Variants in ADGRA1 observed in about 807,000 individuals in gnomAD.
The protein encoded by ADGRA1 is adhesion G protein-coupled receptor A1, also known as G-protein coupled receptor 123.
A neutral mutation model predicts 21.3 loss-of-function variants in ADGRA1; 12 were observed. The observed-to-expected ratio is 0.56, with a 90% CI of 0.36 to 0.91. The LOEUF is 0.91. ADGRA1 is among the 40% of genes least tolerant of loss of function. The pLI, the probability that ADGRA1 is intolerant of heterozygous loss-of-function variation, is 0.01. For missense variants in ADGRA1, 790 were observed against 805.6 expected (o/e 0.98, Z 0.23); for synonymous variants, 385 against 368.8 (o/e 1.04, Z -0.50).
chr10:133,106,848 G>A lies in ADGRA1; in HGVS notation c.401+4006G>A, dbSNP rs562405104. Among the ~76,000 whole-genome samples the A allele has an allele frequency of 1.6e-4, 25 of 152,354 alleles. No homozygotes were observed. In the South Asian group the frequency reaches 3.1e-3, roughly 19 times the overall value. On this transcript the variant is annotated intron_variant, in intron 5 of 6. Transcript: ENST00000392607. The stretch of plus-strand genomic sequence containing the variant: ...CCCCGCGGCTCAGAGTGCCCATCGC[G>A]GGCTCCTGGGCAGTGTTTATCTGGG...
intron 5 of ADGRA1, among the ~76,000 whole-genome samples, chr10:133,108,180 C>T (rs1305446977): frequency 6.6e-6 from 1 of 152,252 alleles, no homozygotes; most frequent in Admixed American, 6.5e-5. Flanking sequence ...GGACCTGCTG[C>T]CCTGCTGGTG....
chr10:133,111,128 C>T (rs1039760729), intron 5 of ADGRA1, among the ~76,000 whole-genome samples: 15 of 151,244 alleles, frequency 9.9e-5, no homozygotes, highest in Admixed American at 1.3e-4. Flanking sequence ...GCCACCTGCC[C>T]GCCAGGGGTG....
chr10:133,129,416 C>T lies in ADGRA1; in HGVS notation c.1588C>T (p.Leu530=). ...CTTTGGTGGCCCCAGCCAGAACGGGCTGCCCAAGGGTAAATTGCTAGAAGG... is the reference window on the plus strand; with the variant it reads ...CTTTGGTGGCCCCAGCCAGAACGGGTTGCCCAAGGGTAAATTGCTAGAAGG... ...LPFGGPSQNG[L]PKGKLLEGLP... The change falls in exon 7 of 7, where the codon CTG becomes TTG. Residue 530 remains leucine, a synonymous_variant. Coordinates refer to ENST00000392607, the MANE Select transcript of ADGRA1 (RefSeq NM_001083909.3). 6.2e-7 allele frequency: 1 copy of T among 1,605,832 alleles called. No individual in the cohort carries two copies. The highest frequency in any genetic ancestry group is 8.5e-7 in the Non-Finnish European group (1 of 1,179,778).
At chr10:133,118,280 C>T (rs9419011) in intron 5 of ADGRA1, among the ~76,000 whole-genome samples, 29,876 of 152,112 alleles carry the variant, frequency 0.2, 3,815 homozygotes, top group East Asian at 0.58. Context: ...AGTTAAGGTA[C>T]GTACGTTGTT....
At chr10:133,122,199 G>T (rs533180015) in intron 5 of ADGRA1, among the ~76,000 whole-genome samples, 1 of 152,350 alleles carries the variant, frequency 6.6e-6, no homozygotes, top group African/African-American at 2.4e-5. Context: ...GGCTGCCCTG[G>T]GTGGCACCTG....
At chr10:133,123,921 A>G (rs1378525085) in intron 5 of ADGRA1, among the ~76,000 whole-genome samples, 2 of 152,314 alleles carry the variant, frequency 1.3e-5, no homozygotes, top group East Asian at 3.9e-4. Flanking sequence ...CCCCATGTGC[A>G]AGGTCCCTCT....
At chr10:133,092,296 AC>A (rs1324780320) in intron 2 of ADGRA1, among the ~76,000 whole-genome samples, 4 of 152,188 alleles carry the variant, frequency 2.6e-5, no homozygotes, top group African/African-American at 9.7e-5. Flanking sequence ...CCTTCATCTC[AC>A]AGATGGAGAG....
At position 133,107,277 on chromosome 10, in the gene ADGRA1, C is replaced by A. The variant is rs79491214; in HGVS notation, c.401+4435C>A. Among the ~76,000 whole-genome samples, 425 of 152,284 alleles carry A rather than the reference C, an allele frequency of 2.8e-3. 14 individuals carry two copies. In the East Asian group the frequency reaches 0.076, roughly 27 times the overall value. On this transcript the variant is annotated intron_variant, in intron 5 of 6. Coordinates refer to ENST00000392607, the MANE Select transcript of ADGRA1 (RefSeq NM_001083909.3). ...ATTTCCTGTATATATAATTATCACG[C>A]CATCTGTACATAAGGATAATTCTAC...
chr10:133,095,635 T>A, intron 2 of ADGRA1: 1 of 1,587,698 alleles, frequency 6.3e-7, no homozygotes, highest in Non-Finnish European at 8.5e-7. Context: ...TGTCAGCCAG[T>A]CCCTTGGCTC....
Position 133,128,519 on chromosome 10 carries a change from C to G in ADGRA1, c.691C>G (p.Arg231Gly), listed in dbSNP as rs778932834. The G allele has an allele frequency of 1.8e-5, 28 of 1,546,698 alleles. No individual in the cohort carries two copies. Among genetic ancestry groups the G allele is most frequent in the East Asian group, 2.4e-5 (1 of 40,832 alleles). Residue 231 changes from arginine to glycine, a missense_variant, in exon 7 of 7, where the codon CGG becomes GGG. Physicochemically the swap from Arg to Gly is moderately radical, Grantham distance 125. This residue lies in a region of ADGRA1 where 382 missense variants were observed against 415.6 expected (regional missense o/e 0.92). Transcript: ENST00000392607. ...LATPEGGRGI[R>G]PGTPPAHDAP... ...GACACCCGAGGGCGGCCGTGGGATC[C>G]GGCCAGGCACCCCACCCGCACACGA...
At chr10:133,114,552 G>A (rs543835848) in intron 5 of ADGRA1, among the ~76,000 whole-genome samples, 33 of 152,218 alleles carry the variant, frequency 2.2e-4, no homozygotes, top group African/African-American at 7.2e-4. Flanking sequence ...CGACACCCGC[G>A]GCGTCCTCCT....
chr10:133,091,889 C>A (rs1449980650), intron 2 of ADGRA1, among the ~76,000 whole-genome samples: 1 of 152,178 alleles, frequency 6.6e-6, no homozygotes, highest in Non-Finnish European at 1.5e-5. Flanking sequence ...CAAGGCCAGC[C>A]TCCTGGCGGT....
rs760080069 is a variant in ADGRA1, at chr10:133,098,759, A to C, written c.251A>C (p.Gln84Pro). ...CGCACCAAGTACCCCATCCTGTGCC[A>C]GGCGGTGAGTGCCGGGGCGCCCTCG... ...INRTKYPILCQAVGIVLHYST... is the reference protein window; with the variant it reads ...INRTKYPILCPAVGIVLHYST... Residue 84 changes from glutamine to proline, a missense_variant, in exon 4 of 7, where the codon CAG (glutamine) becomes CCG (proline). Transcript: ENST00000392607. 1 of 1,610,920 alleles carries C rather than the reference A, an allele frequency of 6.2e-7. No homozygotes were observed. The highest frequency in any genetic ancestry group is 8.5e-7 in the Non-Finnish European group (1 of 1,179,814).
chr10:133,122,411 C>T (rs993211282), intron 5 of ADGRA1, among the ~76,000 whole-genome samples: 4 of 152,168 alleles, frequency 2.6e-5, no homozygotes, highest in East Asian at 1.9e-4. Flanking sequence ...GGAGGGATCA[C>T]AGAGCCGGCA....
chr10:133,118,634 C>G (rs1480291958), intron 5 of ADGRA1, among the ~76,000 whole-genome samples: 3 of 152,166 alleles, frequency 2.0e-5, no homozygotes, highest in African/African-American at 7.2e-5. Flanking sequence ...AGAACTCATT[C>G]AGTATCATGA....
intron 5 of ADGRA1, among the ~76,000 whole-genome samples, chr10:133,125,733 T>C (rs1852365422): frequency 1.3e-5 from 2 of 152,128 alleles, no homozygotes; most frequent in African/African-American, 4.8e-5. Context: ...CCTGCCTAGT[T>C]TTTACCTAGT....
At position 133,105,073 on chromosome 10, in the gene ADGRA1, C is replaced by T. The variant is rs192904670; in HGVS notation, c.401+2231C>T. 2.6e-3 allele frequency among the ~76,000 whole-genome samples: 399 copies of T among 152,364 alleles called. 1 individual carries two copies. Among genetic ancestry groups the T allele is most frequent in the African/African-American group, 9.2e-3 (382 of 41,580 alleles). On this transcript the variant is annotated intron_variant, in intron 5 of 6. Coordinates refer to ENST00000392607, the MANE Select transcript of ADGRA1 (RefSeq NM_001083909.3). ...CGGCCCTGCATCCCCAGCCCCATTC[C>T]CAGAACTCTACATGGCCCACACGTT... is the stretch of plus-strand genomic sequence containing the variant.
intron 5 of ADGRA1, among the ~76,000 whole-genome samples, chr10:133,123,756 A>C (rs1852321580): frequency 1.4e-5 from 2 of 138,058 alleles, no homozygotes; most frequent in African/African-American, 2.7e-5. Context: ...GGCCACCGTC[A>C]CTCCTGGGCT....
At chr10:133,088,246 A>C (rs1320237860) in intron 1 of ADGRA1, 108 bp downstream of exon 1, 3 of 411,640 alleles carry the variant, frequency 7.3e-6, no homozygotes, top group Non-Finnish European at 9.8e-6. Flanking sequence ...AGCAGCTCCG[A>C]GTAACTTTCG....
Sources: gnomAD v4.1 joint callset for allele counts (sites outside exome capture counted in the v4.1 genomes callset) on GRCh38, gnomAD v4.1.1 for gene constraint, gnomAD v4.1.1 regional missense constraint, MANE v1.5 for transcripts, NCBI Gene and HGNC (gene_info 2026-07-23, HGNC 2026-07-21) for gene names.